Variants in LRRN1 observed in about 807,000 individuals in gnomAD.
LRRN1 encodes the protein leucine rich repeat neuronal 1.
In LRRN1, 14 loss-of-function variants were observed where a neutral mutation model predicts 45.8. That is an observed-to-expected ratio of 0.31 (90% CI 0.20 to 0.48). LRRN1 has a LOEUF of 0.48. Among genes scored for constraint, LRRN1 ranks in the 20% least tolerant of loss-of-function variants. The probability of loss-of-function intolerance (pLI) is 0.99; values close to 1 mark genes in which losing one functional copy is unlikely to be tolerated. For missense variants in LRRN1, 789 were observed against 874.2 expected, an observed-to-expected ratio of 0.90 and a Z score of 1.23; for synonymous variants, 359 against 330.1, an observed-to-expected ratio of 1.09 and a Z score of -0.95.
intron 1 of LRRN1, among the ~76,000 whole-genome samples, chr3:3,810,675 C>G (rs1192536349): frequency 3.3e-5 from 5 of 152,164 alleles, no homozygotes; most frequent in African/African-American, 7.2e-5. Flanking sequence ...CCACTGTACT[C>G]TAGCCTGAGT....
Position 3,816,331 on chromosome 3 carries a change from G to C in LRRN1, c.-279+16412G>C, listed in dbSNP as rs1387126532. 1.3e-5 allele frequency among the ~76,000 whole-genome samples: 2 copies of C among 151,964 alleles called. No individual in the cohort carries two copies. Among genetic ancestry groups the C allele is most frequent in the Non-Finnish European group, 2.9e-5 (2 of 67,972 alleles). ...AGTTTCAAATGCATACTAAGATAGG[G>C]GAACACATTGGCATCAAGGAAAATC... On this transcript the variant is annotated intron_variant, in intron 1 of 1. Coordinates refer to ENST00000319331, the MANE Select transcript of LRRN1 (RefSeq NM_020873.7). The surrounding 1 kb of genome is among the most constrained non-coding windows in gnomAD (Gnocchi z 4.0).
At position 3,845,735 on chromosome 3, in the gene LRRN1, A is replaced by C. The variant is rs1464561844; in HGVS notation, c.1094A>C (p.Glu365Ala). 1 of 1,614,152 alleles carries C rather than the reference A, an allele frequency of 6.2e-7. No individual in the cohort carries two copies. The highest frequency in any genetic ancestry group is 8.5e-7 in the Non-Finnish European group (1 of 1,180,046). Residue 365 changes from glutamate (E) to alanine (A), a missense_variant, in exon 2 of 2, where the codon GAG (glutamate) becomes GCG (alanine). Coordinates refer to ENST00000319331, the MANE Select transcript of LRRN1 (RefSeq NM_020873.7). This position sits in a 1 kb window ranked among gnomAD's most constrained non-coding sequence, Gnocchi z 6.5. ...GTCGAATCCCTCCCCAATCTGCGTG[A>C]GATCAGTATCCATAGCAATCCCCTC... ...KTVESLPNLR[E>A]ISIHSNPLRC...
intron 1 of LRRN1, among the ~76,000 whole-genome samples, chr3:3,803,562 T>C (rs970143836): frequency 6.6e-6 from 1 of 152,214 alleles, no homozygotes; most frequent in African/African-American, 2.4e-5. Flanking sequence ...AATCTGGAGA[T>C]AAAGCAAATT....
intron 1 of LRRN1, among the ~76,000 whole-genome samples, chr3:3,805,135 G>A (rs894181542): frequency 1.3e-5 from 2 of 152,138 alleles, no homozygotes; most frequent in African/African-American, 4.8e-5. Flanking sequence ...GGGACAGTGG[G>A]CAGCACCAAT....
intron 1 of LRRN1, among the ~76,000 whole-genome samples, chr3:3,820,404 G>A (rs1307758370): frequency 6.6e-6 from 1 of 152,034 alleles, no homozygotes; most frequent in East Asian, 1.9e-4. Context: ...TTTTCTTTAG[G>A]GAATATGGTG....
chr3:3,837,186 G>C (rs1465383938), intron 1 of LRRN1, among the ~76,000 whole-genome samples: 2 of 152,198 alleles, frequency 1.3e-5, no homozygotes, highest in East Asian at 3.9e-4. Context: ...GCCCAGGCAG[G>C]TGGCCCTGAG....
chr3:3,846,114 T>G lies in LRRN1; in HGVS notation c.1473T>G (p.Ile491Met). ...EGTLEISNIQ[I>M]EDSGRYTCVA... ...CCTTGGAAATATCTAACATACAAAT[T>G]GAAGACTCAGGAAGATACACATGTG... is the stretch of plus-strand genomic sequence containing the variant. Residue 491 changes from isoleucine to methionine, a missense_variant, in exon 2 of 2, where the codon ATT becomes ATG. Ile to Met is a conservative substitution (Grantham distance 10, BLOSUM62 1). Coordinates refer to ENST00000319331, the MANE Select transcript of LRRN1 (RefSeq NM_020873.7). The surrounding 1 kb of genome is among the most constrained non-coding windows in gnomAD (Gnocchi z 5.7). 1 of 1,613,992 alleles carries G rather than the reference T, an allele frequency of 6.2e-7. No homozygotes were observed. Among genetic ancestry groups the G allele is most frequent in the Non-Finnish European group, 8.5e-7 (1 of 1,180,006 alleles).
intron 1 of LRRN1, chr3:3,827,512 G>A (rs749062203): frequency 2.2e-6 from 1 of 456,348 alleles, no homozygotes; most frequent in South Asian, 1.6e-5. Flanking sequence ...CTTAAACTCT[G>A]TAAGGCAAGA....
At chr3:3,820,699 T>A (rs963864218) in intron 1 of LRRN1, among the ~76,000 whole-genome samples, 2 of 152,202 alleles carry the variant, frequency 1.3e-5, no homozygotes, top group Non-Finnish European at 2.9e-5. Flanking sequence ...GCGAGAGAAA[T>A]GCAATAAATG....
chr3:3,802,587 C>A (rs571144366), intron 1 of LRRN1, among the ~76,000 whole-genome samples: 1 of 152,184 alleles, frequency 6.6e-6, no homozygotes, highest in African/African-American at 2.4e-5. Context: ...GGTTCAGTGC[C>A]TTTTATACAT....
chr3:3,812,928 T>C (rs1247756324), intron 1 of LRRN1, among the ~76,000 whole-genome samples: 2 of 152,200 alleles, frequency 1.3e-5, no homozygotes, highest in East Asian at 3.8e-4. Flanking sequence ...GCTTAGCTTA[T>C]TTTATTTTCT....
Position 3,846,802 on chromosome 3 carries a change from T to C in LRRN1, c.*10T>C, listed in dbSNP as rs765943744. ...CTATTACATGTGGTAACTCAGAGGA[T>C]ATTTTGCTTCTGGTAGTAAGGAGCA... On this transcript the variant is annotated 3_prime_UTR_variant, in exon 2 of 2. Coordinates refer to ENST00000319331, the MANE Select transcript of LRRN1 (RefSeq NM_020873.7). This position sits in a 1 kb window ranked among gnomAD's most constrained non-coding sequence, Gnocchi z 5.7. The C allele has an allele frequency of 6.3e-7, 1 of 1,576,668 alleles. No individual in the cohort carries two copies. The highest frequency in any genetic ancestry group is 8.6e-7 in the Non-Finnish European group (1 of 1,164,614).
chr3:3,809,284 C>T (rs891836896), intron 1 of LRRN1, among the ~76,000 whole-genome samples: 1 of 152,104 alleles, frequency 6.6e-6, no homozygotes, highest in East Asian at 1.9e-4. Flanking sequence ...GCTGGGATCA[C>T]AGGTGCCTGC....
chr3:3,809,513 C>T (rs965603349), intron 1 of LRRN1, among the ~76,000 whole-genome samples: 68 of 152,300 alleles, frequency 4.5e-4, no homozygotes, highest in African/African-American at 1.5e-3. Flanking sequence ...ACTTGAGATT[C>T]GCTTCTAAGG....
At position 3,837,331 on chromosome 3, in the gene LRRN1, T is replaced by TCC. The variant is rs1559305402; in HGVS notation, c.-278-7033_-278-7032insCC. Among the ~76,000 whole-genome samples the TCC allele has an allele frequency of 3.8e-3, 170 of 45,320 alleles. 2 individuals are homozygous for TCC. The highest frequency in any genetic ancestry group is 8.5e-3 in the African/African-American group (157 of 18,374). The allele number at this position is 45,320 out of a possible 152,430, so 29.7% of individuals were successfully genotyped here. The stretch of plus-strand genomic sequence containing the variant: ...TTGGGGGCAAGGGCTTTATTACTCC[T>TCC]TCCCCCCCCCATTTTATAACCCCAC... On this transcript the variant is annotated intron_variant, in intron 1 of 1. Coordinates refer to ENST00000319331, the MANE Select transcript of LRRN1 (RefSeq NM_020873.7).
At chr3:3,844,018 C>G (rs975792124) in intron 1 of LRRN1, among the ~76,000 whole-genome samples, 1 of 151,884 alleles carries the variant, frequency 6.6e-6, no homozygotes, top group Non-Finnish European at 1.5e-5. Context: ...CTTAGTGTTC[C>G]TATTAAGTAT....
chr3:3,835,396 T>A (rs186709504), intron 1 of LRRN1, among the ~76,000 whole-genome samples: 2 of 152,292 alleles, frequency 1.3e-5, no homozygotes, highest in Non-Finnish European at 2.9e-5. Flanking sequence ...ACAGTATGGT[T>A]TCTACTAAGT....
Position 3,808,164 on chromosome 3 carries a change from G to A in LRRN1, c.-279+8245G>A, listed in dbSNP as rs534686370. Among the ~76,000 whole-genome samples the A allele has an allele frequency of 3.3e-5, 5 of 152,142 alleles. No individual in the cohort carries two copies. In the South Asian group the frequency reaches 1.0e-3, roughly 32 times the overall value. The stretch of plus-strand genomic sequence containing the variant: ...TTCTATGCAAATGAGATGCTTTAGT[G>A]ATCGAGAGGAAAATATTACATAGAG... On this transcript the variant is annotated intron_variant, in intron 1 of 1. Transcript: ENST00000319331.
At chr3:3,820,923 T>C (rs901159369) in intron 1 of LRRN1, among the ~76,000 whole-genome samples, 1 of 152,188 alleles carries the variant, frequency 6.6e-6, no homozygotes, top group Admixed American at 6.5e-5. Context: ...CCTCTGTCTT[T>C]GCAGTTACCA....
Sources: gnomAD v4.1 joint callset for allele counts (sites outside exome capture counted in the v4.1 genomes callset) on GRCh38, gnomAD v4.1.1 for gene constraint, Gnocchi (gnomAD v3.1) non-coding constraint, MANE v1.5 for transcripts, NCBI Gene and HGNC (gene_info 2026-07-23, HGNC 2026-07-21) for gene names.